The following LPAR3 variants were observed in gnomAD, a reference collection of about 807,000 sequenced individuals.
LPAR3 encodes lysophosphatidic acid receptor 3.
A neutral mutation model predicts 17.8 loss-of-function variants in LPAR3; 7 were observed. The ratio of observed to expected loss-of-function variants is 0.39; its 90% CI spans 0.22 to 0.74. The LOEUF is 0.74. LPAR3 is among the 30% of genes least tolerant of loss of function. The pLI, the probability that LPAR3 is intolerant of heterozygous loss-of-function variation, is 0.40. For synonymous variants in LPAR3, 179 were observed against 179.9 expected (o/e 0.99, Z 0.04); for missense variants, 391 against 453.4 (o/e 0.86, Z 1.25).
intron 2 of LPAR3, among the ~76,000 whole-genome samples, chr1:84,824,265 T>C (rs1659107270): frequency 6.6e-6 from 1 of 152,102 alleles, no homozygotes; most frequent in Non-Finnish European, 1.5e-5. Flanking sequence ...CCATGCTGCC[T>C]TACAGAGAGA....
intron 1 of LPAR3, among the ~76,000 whole-genome samples, chr1:84,892,175 T>C (rs1426753139): frequency 6.6e-6 from 1 of 151,716 alleles, no homozygotes; most frequent in Non-Finnish European, 1.5e-5. Flanking sequence ...ATCGCGCCAC[T>C]GCACTCCAGC....
At chr1:84,816,829 A>G (rs1363886073) in intron 2 of LPAR3, among the ~76,000 whole-genome samples, 1 of 152,156 alleles carries the variant, frequency 6.6e-6, no homozygotes, top group Non-Finnish European at 1.5e-5. Flanking sequence ...ATATATAAAT[A>G]TCTTCATTTA....
intron 2 of LPAR3, among the ~76,000 whole-genome samples, chr1:84,825,993 A>C (rs980914015): frequency 7.9e-5 from 12 of 152,184 alleles, no homozygotes; most frequent in Admixed American, 2.6e-4. Flanking sequence ...CCATATGGAC[A>C]TGACTTTCCT....
intron 2 of LPAR3, among the ~76,000 whole-genome samples, chr1:84,849,126 T>C (rs947838400): frequency 2.0e-5 from 3 of 152,020 alleles, no homozygotes; most frequent in Non-Finnish European, 1.5e-5. Flanking sequence ...CCTATAATCC[T>C]AGCACTTTGG....
intron 1 of LPAR3, among the ~76,000 whole-genome samples, chr1:84,871,888 C>A (rs1313723656): frequency 2.6e-5 from 4 of 152,272 alleles, no homozygotes; most frequent in Middle Eastern, 3.4e-3. Flanking sequence ...CCTTTCCCTG[C>A]CACTCTCTAA....
intron 1 of LPAR3, among the ~76,000 whole-genome samples, chr1:84,873,163 G>A (rs1027225189): frequency 2.0e-5 from 3 of 152,142 alleles, no homozygotes; most frequent in Non-Finnish European, 4.4e-5. Context: ...CCGGAACACC[G>A]AAAGGATAGG....
At chr1:84,828,217 T>C (rs1659202924) in intron 2 of LPAR3, among the ~76,000 whole-genome samples, 1 of 152,076 alleles carries the variant, frequency 6.6e-6, no homozygotes, top group South Asian at 2.1e-4. Context: ...GAGTGTACCC[T>C]GATAATTCTT....
intron 2 of LPAR3, among the ~76,000 whole-genome samples, chr1:84,835,174 C>T (rs1659369885): frequency 6.6e-6 from 1 of 152,236 alleles, no homozygotes; most frequent in South Asian, 2.1e-4. Flanking sequence ...CTAAATTCCT[C>T]TTAAAATGTG....
intron 1 of LPAR3, among the ~76,000 whole-genome samples, chr1:84,884,906 G>C (rs1164021298): frequency 6.6e-6 from 1 of 152,192 alleles, no homozygotes; most frequent in Non-Finnish European, 1.5e-5. Context: ...TGTTGTAGTG[G>C]ATTCCACCTA....
At chr1:84,827,756 T>A (rs1430111697) in intron 2 of LPAR3, among the ~76,000 whole-genome samples, 1 of 152,114 alleles carries the variant, frequency 6.6e-6, no homozygotes, top group Non-Finnish European at 1.5e-5. Context: ...AAGAATGACA[T>A]CATGAATAAA....
intron 2 of LPAR3, among the ~76,000 whole-genome samples, chr1:84,821,849 G>T (rs1165711493): frequency 6.6e-6 from 1 of 152,188 alleles, no homozygotes; most frequent in Non-Finnish European, 1.5e-5. Flanking sequence ...TGAGTGGGTA[G>T]CATGTGGCTA....
chr1:84,870,666 A>G (rs1660143139), intron 1 of LPAR3, among the ~76,000 whole-genome samples: 1 of 152,160 alleles, frequency 6.6e-6, no homozygotes, highest in Non-Finnish European at 1.5e-5. Flanking sequence ...ATCTCATGGT[A>G]TCCTCCCAAC....
chr1:84,850,653 C>T (rs2102758715), intron 2 of LPAR3, among the ~76,000 whole-genome samples: 1 of 152,256 alleles, frequency 6.6e-6, no homozygotes, highest in East Asian at 1.9e-4. Flanking sequence ...AACCTCTAGT[C>T]CCAACCCTAA....
At chr1:84,852,918 T>A (rs550807956) in intron 2 of LPAR3, among the ~76,000 whole-genome samples, 76 of 152,062 alleles carry the variant, frequency 5.0e-4, no homozygotes, top group African/African-American at 1.1e-3. Context: ...AGGAAGAAGC[T>A]AGCTTACTAC....
In LPAR3 at chr1:84,865,871, C is replaced by A. The variant is rs1660035539; in HGVS notation, c.250G>T (p.Val84Leu). 4 of 1,614,038 alleles carry A rather than the reference C, an allele frequency of 2.5e-6. No individual in the cohort carries two copies. In the African/African-American group the frequency reaches 5.3e-5, roughly 22 times the overall value. Residue 84 changes from valine (V) to leucine (L), a missense_variant, in exon 2 of 3, where the codon GTA becomes TTA. Transcript: ENST00000370611. ...GGGCCTGTGTTAAACATCAGGAATACATAGGCAATTCCAGCGAAGAAATCG... is the reference window on the plus strand; with the variant it reads ...GGGCCTGTGTTAAACATCAGGAATAAATAGGCAATTCCAGCGAAGAAATCG... ...AADFFAGIAY[V>L]FLMFNTGPVS... is the part of the protein sequence containing the mutation.
At chr1:84,880,170 A>G (rs112626521) in intron 1 of LPAR3, among the ~76,000 whole-genome samples, 3,281 of 152,234 alleles carry the variant, frequency 0.022, 125 homozygotes, top group African/African-American at 0.074. Flanking sequence ...TCTCTACTAA[A>G]AAGTACAAAA....
intron 1 of LPAR3, among the ~76,000 whole-genome samples, chr1:84,888,636 GC>G (rs1021519158): frequency 1.3e-5 from 2 of 152,190 alleles, no homozygotes; most frequent in African/African-American, 4.8e-5. Context: ...CCAGGGGCTT[GC>G]CTTAAAGCTG....
chr1:84,861,653 G>C (rs1411825331), intron 2 of LPAR3, among the ~76,000 whole-genome samples: 1 of 152,162 alleles, frequency 6.6e-6, no homozygotes, highest in Non-Finnish European at 1.5e-5. Flanking sequence ...TCAGGAGCTG[G>C]AAGTCTTCAG....
chr1:84,845,339 C>T (rs537579795), intron 2 of LPAR3, among the ~76,000 whole-genome samples: 14 of 152,244 alleles, frequency 9.2e-5, no homozygotes, highest in Admixed American at 2.6e-4. Context: ...ATTTGTGTTA[C>T]GACTTTTACA....
Sources: allele counts gnomAD v4.1 joint callset (sites outside exome capture counted in the v4.1 genomes callset), GRCh38; gene constraint gnomAD v4.1.1; transcripts MANE v1.5; gene names NCBI Gene and HGNC (gene_info 2026-07-23, HGNC 2026-07-21).